The following ARHGAP15 variants were observed in gnomAD, a reference collection of about 807,000 sequenced individuals.
ARHGAP15 encodes the protein rho GTPase-activating protein 15.
A neutral mutation model predicts 63.7 loss-of-function variants in ARHGAP15; 51 were observed. The observed-to-expected ratio is 0.80, with a 90% CI of 0.64 to 1.01. ARHGAP15 has a LOEUF of 1.01. Among genes scored for constraint, ARHGAP15 ranks in the 50% least tolerant of loss-of-function variants. The pLI is 0.00. For synonymous variants in ARHGAP15, 191 were observed against 193.8 expected (o/e 0.99, Z 0.12); for missense variants, 560 against 564.6 (o/e 0.99, Z 0.08).
intron 13 of ARHGAP15, among the ~76,000 whole-genome samples, chr2:143,765,560 G>A (rs1272317128): frequency 2.0e-5 from 3 of 152,156 alleles, no homozygotes; most frequent in African/African-American, 7.2e-5. Context: ...GGGAAAATGG[G>A]AAGCAGAATA....
intron 8 of ARHGAP15, among the ~76,000 whole-genome samples, chr2:143,459,916 G>A (rs1332871376): frequency 6.6e-6 from 1 of 152,114 alleles, no homozygotes; most frequent in Non-Finnish European, 1.5e-5. Context: ...TGAAGTATGG[G>A]AGAGGGATAC....
chr2:143,615,006 C>T lies in ARHGAP15; in HGVS notation c.1004-9127C>T, dbSNP rs528410371. On this transcript the variant is annotated intron_variant, in intron 11 of 13. Coordinates refer to ENST00000295095, the MANE Select transcript of ARHGAP15 (RefSeq NM_018460.4). ...CCTAGCTATTTTACCTTACTTTATG[C>T]AAGTAGTTGTAAAATTTATACATCT... 1.2e-4 allele frequency among the ~76,000 whole-genome samples: 19 copies of T among 152,254 alleles called. No individual in the cohort carries two copies. In the South Asian group the frequency reaches 3.5e-3, roughly 28 times the overall value.
chr2:143,711,032 C>T (rs1474694415), intron 13 of ARHGAP15, among the ~76,000 whole-genome samples: 9 of 152,176 alleles, frequency 5.9e-5, no homozygotes, highest in Non-Finnish European at 8.8e-5. Context: ...CCACAGGCCA[C>T]ACTCAGCCTG....
intron 2 of ARHGAP15, among the ~76,000 whole-genome samples, chr2:143,179,253 T>G (rs1470855498): frequency 6.6e-6 from 1 of 152,222 alleles, no homozygotes; most frequent in East Asian, 1.9e-4. Context: ...AGAGTCCCTA[T>G]ATTTGCCTGT....
intron 1 of ARHGAP15, among the ~76,000 whole-genome samples, chr2:143,142,908 G>A (rs1689429380): frequency 6.6e-6 from 1 of 152,052 alleles, no homozygotes; most frequent in Non-Finnish European, 1.5e-5. Context: ...GAAGAAAAAT[G>A]TTCAATGATT....
At chr2:143,277,502 C>A (rs1681618077) in intron 6 of ARHGAP15, among the ~76,000 whole-genome samples, 4 of 151,620 alleles carry the variant, frequency 2.6e-5, no homozygotes, top group Admixed American at 2.6e-4. Flanking sequence ...AAGGTAATAG[C>A]CATCTTTGGG....
chr2:143,691,669 A>C, intron 12 of ARHGAP15, among the ~76,000 whole-genome samples: 1 of 152,112 alleles, frequency 6.6e-6, no homozygotes, highest in African/African-American at 2.4e-5. Context: ...TTGCATCTTC[A>C]TTGTCTTAAG....
chr2:143,557,334 A>G (rs1574630707), intron 11 of ARHGAP15, among the ~76,000 whole-genome samples: 1 of 152,188 alleles, frequency 6.6e-6, no homozygotes, highest in East Asian at 1.9e-4. Context: ...CTTTCAAGCC[A>G]TGAAAAGACT....
intron 5 of ARHGAP15, among the ~76,000 whole-genome samples, chr2:143,235,241 TG>T (rs1224203230): frequency 1.2e-4 from 18 of 147,314 alleles, no homozygotes; most frequent in Non-Finnish European, 2.4e-4. Flanking sequence ...ATAGTAGAGT[TG>T]TTTTTTTTTT....
intron 13 of ARHGAP15, among the ~76,000 whole-genome samples, chr2:143,722,108 A>G (rs1405430345): frequency 6.6e-6 from 1 of 152,084 alleles, no homozygotes; most frequent in Non-Finnish European, 1.5e-5. Flanking sequence ...AATGCTTTTT[A>G]TACTAATTTC....
chr2:143,637,158 A>G (rs143101798), intron 12 of ARHGAP15, among the ~76,000 whole-genome samples: 26 of 152,212 alleles, frequency 1.7e-4, no homozygotes, highest in African/African-American at 6.3e-4. Flanking sequence ...TAGGGCTTCA[A>G]TGTATTAATT....
At chr2:143,446,754 A>G (rs987507702) in intron 8 of ARHGAP15, among the ~76,000 whole-genome samples, 2 of 149,188 alleles carry the variant, frequency 1.3e-5, no homozygotes, top group Non-Finnish European at 3.0e-5. Flanking sequence ...CATTAGGTAT[A>G]TCTCCCAATG....
chr2:143,469,094 AT>A (rs1691391398), intron 8 of ARHGAP15, among the ~76,000 whole-genome samples: 1 of 152,220 alleles, frequency 6.6e-6, no homozygotes, highest in Non-Finnish European at 1.5e-5. Flanking sequence ...AAGAGAAAGG[AT>A]CAGATAAGCA....
At chr2:143,218,263 A>G (rs1343082711) in intron 4 of ARHGAP15, among the ~76,000 whole-genome samples, 3 of 99,238 alleles carry the variant, frequency 3.0e-5, no homozygotes, top group Non-Finnish European at 6.6e-5. Flanking sequence ...TTAAAGTTAT[A>G]TGTTTTAGTT....
chr2:143,764,886 C>T (rs1274647101), intron 13 of ARHGAP15, among the ~76,000 whole-genome samples: 1 of 152,152 alleles, frequency 6.6e-6, no homozygotes, highest in East Asian at 1.9e-4. Context: ...GTTCTACTAC[C>T]CTGTTGGCCA....
chr2:143,496,222 A>G (rs1248598661), intron 9 of ARHGAP15, among the ~76,000 whole-genome samples: 1 of 152,152 alleles, frequency 6.6e-6, no homozygotes, highest in Non-Finnish European at 1.5e-5. Context: ...CTTTTGTTCA[A>G]TAATAAGATA....
rs140037498 is a variant in ARHGAP15, at chr2:143,390,008, T to TAAAA, written c.475-45580_475-45577dup. On this transcript the variant is annotated intron_variant, in intron 6 of 13. Coordinates refer to ENST00000295095, the MANE Select transcript of ARHGAP15 (RefSeq NM_018460.4). ...GAGCTCAGATGAACCAGTCCTTTAT[T>TAAAA]AAAAAAAAAAAAAAAAGCAGTAAGG... 2.4e-4 allele frequency among the ~76,000 whole-genome samples: 33 copies of TAAAA among 135,378 alleles called. 1 individual carries two copies. The highest frequency in any genetic ancestry group is 2.1e-3 in the South Asian group (9 of 4,244). 88.8% of individuals were successfully genotyped at this position (135,378 alleles called of 152,430 possible). A position where few individuals can be genotyped will look rare whatever the true frequency, so the allele number is the denominator to read the frequency against.
chr2:143,379,795 CTA>C lies in ARHGAP15; in HGVS notation c.475-55804_475-55803del, dbSNP rs992834823. 7.9e-5 allele frequency among the ~76,000 whole-genome samples: 12 copies of C among 151,628 alleles called. 1 individual carries two copies. The South Asian group carries it at 2.3e-3, about 29-fold the overall frequency. On this transcript the variant is annotated intron_variant, in intron 6 of 13. Transcript: ENST00000295095. ...AAAATTTAAGTAGGAAAAATAATGA[CTA>C]TTTTTTTCAAAGAAAAAGTAAAGGA... is the stretch of plus-strand genomic sequence containing the variant.
chr2:143,425,092 T>C (rs1342653816), intron 6 of ARHGAP15, among the ~76,000 whole-genome samples: 2 of 152,168 alleles, frequency 1.3e-5, no homozygotes, highest in Non-Finnish European at 2.9e-5. Flanking sequence ...ACCAATACAT[T>C]TTTTAAAAGT....
Sources: allele counts gnomAD v4.1 joint callset (sites outside exome capture counted in the v4.1 genomes callset), GRCh38; gene constraint gnomAD v4.1.1; transcripts MANE v1.5; gene names NCBI Gene and HGNC (gene_info 2026-07-23, HGNC 2026-07-21).